NSG1: variants seen among roughly 807,000 people sequenced by gnomAD.
NSG1 encodes neuronal vesicle trafficking-associated protein 1.
NSG1 carries 9 observed loss-of-function variants against 19.3 expected under a neutral mutation model. The observed-to-expected ratio is 0.47, with a 90% CI of 0.28 to 0.81. The LOEUF is 0.81. NSG1 is among the 40% of genes least tolerant of loss of function. The pLI is 0.11. For missense variants in NSG1, 236 were observed against 242.4 expected (o/e 0.97, Z 0.18); for synonymous variants, 104 against 107.0 (o/e 0.97, Z 0.17).
chr4:4,392,025 G>T (rs1388806400), intron 3 of NSG1, among the ~76,000 whole-genome samples: 3 of 152,194 alleles, frequency 2.0e-5, no homozygotes, highest in Admixed American at 6.5e-5. Flanking sequence ...AACCCTCCTG[G>T]CACACCAGTA....
intron 3 of NSG1, among the ~76,000 whole-genome samples, chr4:4,405,569 C>T (rs568310019): frequency 1.3e-3 from 192 of 152,224 alleles, no homozygotes; most frequent in African/African-American, 4.3e-3. Flanking sequence ...GATTCAATTC[C>T]GAGCCAGTTT....
chr4:4,402,415 T>G (rs1723610484), intron 3 of NSG1, among the ~76,000 whole-genome samples: 1 of 112,002 alleles, frequency 8.9e-6, no homozygotes, highest in African/African-American at 3.7e-5. Flanking sequence ...TGAGACGGAG[T>G]CTTGCTCTGT....
rs1220506492 is a variant in NSG1 at position 4,417,631 on chromosome 4, T to C, written c.*196T>C. On this transcript the variant is annotated 3_prime_UTR_variant, in exon 5 of 5. Transcript: ENST00000621129. ...GCATAAAATCAAGTGCATTTCAGCA[T>C]TGCCTAAAGAGCTCTGACACCACTT... The C allele has an allele frequency of 6.7e-6, 4 of 592,924 alleles. No homozygotes were observed. The highest frequency in any genetic ancestry group is 2.8e-5 in the East Asian group (1 of 35,190). The allele number at this position is 592,924 out of a possible 1,614,324, so 36.7% of individuals were successfully genotyped here.
At chr4:4,391,952 G>C (rs1341204129) in intron 3 of NSG1, among the ~76,000 whole-genome samples, 1 of 152,164 alleles carries the variant, frequency 6.6e-6, no homozygotes, top group Non-Finnish European at 1.5e-5. Flanking sequence ...AAAAGATAAC[G>C]CACAGCACTG....
At chr4:4,389,230 C>T (rs2108720203) in intron 2 of NSG1, among the ~76,000 whole-genome samples, 1 of 152,386 alleles carries the variant, frequency 6.6e-6, no homozygotes, top group Middle Eastern at 3.4e-3. Context: ...TTGGTTTATA[C>T]AGGGAGGAGG....
At chr4:4,387,553 C>T (rs1722791120) in intron 1 of NSG1, 51 bp from the exon 2 acceptor site, 3 of 672,642 alleles carry the variant, frequency 4.5e-6, no homozygotes, top group African/African-American at 1.9e-5. Flanking sequence ...TTCCCCCCCG[C>T]CCCGCCCCGG....
chr4:4,409,489 G>C (rs73199809), intron 3 of NSG1, 84 bp from the exon 4 acceptor site: 15 of 904,032 alleles, frequency 1.7e-5, no homozygotes, highest in East Asian at 1.5e-4. Context: ...CATGCTGTGT[G>C]GGGGGGGGCC....
intron 1 of NSG1, 43 bp from the exon 2 acceptor site, chr4:4,387,561 C>CCGGGGGTGGGGGGGG: frequency 9.6e-6 from 11 of 1,141,986 alleles, no homozygotes; most frequent in East Asian, 2.7e-5. Flanking sequence ...CGCCCCGCCC[C>CCGGGGGTGGGGGGGG]GGGTCTTGCT....
intron 3 of NSG1, 94 bp downstream of exon 3, chr4:4,391,685 A>C (rs1011109797): frequency 1.7e-5 from 13 of 768,930 alleles, no homozygotes; most frequent in Non-Finnish European, 2.7e-5. Flanking sequence ...CCAGGGTTTG[A>C]CGCCGTTTGT....
chr4:4,417,490 A>G lies in NSG1; in HGVS notation c.*55A>G, dbSNP rs1387460974. On this transcript the variant is annotated 3_prime_UTR_variant, in exon 5 of 5. Coordinates refer to ENST00000621129, the MANE Select transcript of NSG1 (RefSeq NM_014392.5). ...ACTTGCAAATAACAAAGGGACTTTG[A>G]GGGACATTTCATTAAATATAATTAC... The G allele has an allele frequency of 6.7e-7, 1 of 1,500,072 alleles. No individual in the cohort carries two copies. 92.9% of individuals were successfully genotyped at this position (1,500,072 alleles called of 1,614,324 possible).
At chr4:4,411,881 CTAAAA>C (rs1724223561) in intron 4 of NSG1, among the ~76,000 whole-genome samples, 1 of 151,720 alleles carries the variant, frequency 6.6e-6, no homozygotes, top group Non-Finnish European at 1.5e-5. Flanking sequence ...GGCATGCACT[CTAAAA>C]TACTGATTAA....
chr4:4,409,611 C>T lies in NSG1; in HGVS notation c.285C>T (p.Thr95=), dbSNP rs755658849. The T allele has an allele frequency of 1.2e-6, 2 of 1,614,160 alleles. No homozygotes were observed. The highest frequency in any genetic ancestry group is 3.3e-5 in the Admixed American group (2 of 60,030). The change falls in exon 4 of 5, where the codon ACC becomes ACT. Residue 95 remains threonine, a synonymous_variant. Coordinates refer to ENST00000621129, the MANE Select transcript of NSG1 (RefSeq NM_014392.5). ...VLVLFALAFL[T]CVVFLVVYKV... ...TCCTCTTCGCCCTGGCCTTCCTCAC[C>T]TGCGTCGTCTTCCTGGTTGTCTACA... is the stretch of plus-strand genomic sequence containing the variant.
At chr4:4,387,937 T>G (rs1252153880) in intron 2 of NSG1, among the ~76,000 whole-genome samples, 179 bp downstream of exon 2, 1 of 150,454 alleles carries the variant, frequency 6.6e-6, no homozygotes, top group Non-Finnish European at 1.5e-5. Flanking sequence ...CGCGGGATGC[T>G]GGGCGGGGGA....
intron 4 of NSG1, chr4:4,415,919 C>G: frequency 3.4e-6 from 2 of 589,742 alleles, no homozygotes; most frequent in South Asian, 4.0e-5. Context: ...GATGCACGCG[C>G]TGCTGGTCTG....
At chr4:4,401,394 G>A (rs768950961) in intron 3 of NSG1, among the ~76,000 whole-genome samples, 1 of 152,134 alleles carries the variant, frequency 6.6e-6, no homozygotes, top group African/African-American at 2.4e-5. Context: ...CGCCGGGCTC[G>A]TGTTCCCTCT....
chr4:4,403,178 G>C (rs1395490001), intron 3 of NSG1, among the ~76,000 whole-genome samples: 1 of 152,188 alleles, frequency 6.6e-6, no homozygotes, highest in Non-Finnish European at 1.5e-5. Context: ...TGCCCTCGGG[G>C]GCTCCATCTG....
chr4:4,409,408 G>A (rs943828298), intron 3 of NSG1, among the ~76,000 whole-genome samples, 165 bp from the exon 4 acceptor site: 4 of 152,238 alleles, frequency 2.6e-5, no homozygotes, highest in Admixed American at 6.5e-5. Context: ...AAATTGCCCA[G>A]TGAACAGTGA....
chr4:4,405,022 T>C (rs1723775909), intron 3 of NSG1, among the ~76,000 whole-genome samples: 1 of 152,116 alleles, frequency 6.6e-6, no homozygotes, highest in South Asian at 2.1e-4. Context: ...AGGGGCCCTA[T>C]AACAAAGTAC....
At chr4:4,400,227 G>A (rs1020261909) in intron 3 of NSG1, among the ~76,000 whole-genome samples, 1 of 152,184 alleles carries the variant, frequency 6.6e-6, no homozygotes, top group Non-Finnish European at 1.5e-5. Flanking sequence ...TTTCCTTATT[G>A]AATGAATGGT....
Sources: gnomAD v4.1 joint callset for allele counts (sites outside exome capture counted in the v4.1 genomes callset) on GRCh38, gnomAD v4.1.1 for gene constraint, MANE v1.5 for transcripts, NCBI Gene and HGNC (gene_info 2026-07-23, HGNC 2026-07-21) for gene names.